SSBP4: variants seen among roughly 807,000 people sequenced by gnomAD.
The protein encoded by SSBP4 is single stranded DNA binding protein 4, also known as single-stranded DNA-binding protein 4.
A neutral mutation model predicts 64.6 loss-of-function variants in SSBP4; 33 were observed. That is an observed-to-expected ratio of 0.51 (90% CI 0.39 to 0.68). The LOEUF is 0.68. Among genes scored for constraint, SSBP4 ranks in the 30% least tolerant of loss-of-function variants. The probability of loss-of-function intolerance (pLI) is 0.00; values close to 1 mark genes in which losing one functional copy is unlikely to be tolerated. For missense variants in SSBP4, 583 were observed against 566.8 expected (o/e 1.03, Z -0.29); for synonymous variants, 243 against 224.0 (o/e 1.08, Z -0.76).
chr19:18,427,919 C>T lies in SSBP4; in HGVS notation c.216C>T (p.Cys72=), dbSNP rs571716261. ...ACAGCGTCTTCTGGGACCTGTACTGCGCGGCGCCTGACAGAAGAGAGGCCT... is the reference window on the plus strand; with the variant it reads ...ACAGCGTCTTCTGGGACCTGTACTGTGCGGCGCCTGACAGAAGAGAGGCCT... ...SWWCVFWDLY[C]AAPDRREACE... is the part of the protein sequence containing the mutation. Residue 72 remains cysteine (C), a synonymous_variant, in exon 4 of 18, where the codon TGC becomes TGT. Transcript: ENST00000270061. This position sits in a 1 kb window ranked among gnomAD's most constrained non-coding sequence, Gnocchi z 4.4. 3.7e-6 allele frequency: 6 copies of T among 1,613,810 alleles called. No homozygotes were observed. Among genetic ancestry groups the T allele is most frequent in the East Asian group, 4.5e-5 (2 of 44,866 alleles).
chr19:18,417,253 C>T (rs894749309), upstream of SSBP4, among the ~76,000 whole-genome samples: 1 of 152,248 alleles, frequency 6.6e-6, no homozygotes, highest in Admixed American at 6.5e-5. This position sits in a 1 kb window ranked among gnomAD's most constrained non-coding sequence, Gnocchi z 5.4. Context: ...GAGGTAGCAA[C>T]GTGTCCCGGC....
chr19:18,415,299 C>T (rs58289628), upstream of SSBP4, among the ~76,000 whole-genome samples: 60 of 152,306 alleles, frequency 3.9e-4, no homozygotes, highest in African/African-American at 1.4e-3. Flanking sequence ...CCTCCCAGGG[C>T]CCCCCACTTT....
chr19:18,419,366 G>A (rs1389657862), upstream of SSBP4: 1 of 1,025,058 alleles, frequency 9.8e-7, no homozygotes, highest in Non-Finnish European at 1.2e-6. Context: ...GCAGCGGGCG[G>A]GGGCGCGCGC....
intron 4 of SSBP4, among the ~76,000 whole-genome samples, chr19:18,429,242 G>C (rs537253785): frequency 4.6e-5 from 7 of 152,046 alleles, no homozygotes; most frequent in East Asian, 1.9e-4. Flanking sequence ...GGCGGGGGAG[G>C]GGGGCGGGGG....
the SSBP4 span, among the ~76,000 whole-genome samples, chr19:18,406,023 G>A: frequency 6.6e-6 from 1 of 151,374 alleles, no homozygotes; most frequent in African/African-American, 2.4e-5. Context: ...AGAGAAAGAA[G>A]AGAGATGGGG....
In SSBP4 at chr19:18,426,793, C is replaced by T. The variant is rs927658047; in HGVS notation, c.60-558C>T. 8.5e-5 allele frequency among the ~76,000 whole-genome samples: 13 copies of T among 152,188 alleles called. No individual in the cohort carries two copies. The highest frequency in any genetic ancestry group is 1.3e-4 in the Non-Finnish European group (9 of 68,020). ...TGGCCCCCCACCTCCATTCCCCAGA[C>T]ATTGCCCCAGGTTCAGCACTGCCCT... On this transcript the variant is annotated intron_variant, in intron 1 of 17. Coordinates refer to ENST00000270061, the MANE Select transcript of SSBP4 (RefSeq NM_032627.5). The surrounding 1 kb of genome is among the most constrained non-coding windows in gnomAD (Gnocchi z 4.5).
Position 18,427,486 on chromosome 19 carries a change from C to T in SSBP4, c.132+63C>T. The T allele has an allele frequency of 6.4e-7, 1 of 1,571,710 alleles. No individual in the cohort carries two copies. Among genetic ancestry groups the T allele is most frequent in the Non-Finnish European group, 8.6e-7 (1 of 1,158,422 alleles). ...CCACACTCCGGGGGTCCTTCATTTC[C>T]ACTGGGGATCCAGGGGGTGGGCCCG... On this transcript the variant is annotated intron_variant, in intron 2 of 17. Coordinates refer to ENST00000270061, the MANE Select transcript of SSBP4 (RefSeq NM_032627.5). The surrounding 1 kb of genome is among the most constrained non-coding windows in gnomAD (Gnocchi z 4.4).
At position 18,427,849 on chromosome 19, in the gene SSBP4, G is replaced by A. The variant is rs1309963612; in HGVS notation, c.194+36G>A. Reference sequence around the variant, plus strand: ...GGCTGCTGTGGGTGGGCTGTGGAAGGGGGTTGAGGGAGGCACGTGGAGCAA... The same window carrying A: ...GGCTGCTGTGGGTGGGCTGTGGAAGAGGGTTGAGGGAGGCACGTGGAGCAA... On this transcript the variant is annotated intron_variant, in intron 3 of 17. Coordinates refer to ENST00000270061, the MANE Select transcript of SSBP4 (RefSeq NM_032627.5). The surrounding 1 kb of genome is among the most constrained non-coding windows in gnomAD (Gnocchi z 4.4). The A allele has an allele frequency of 6.2e-7, 1 of 1,613,582 alleles. No homozygotes were observed.
intron 1 of SSBP4, among the ~76,000 whole-genome samples, chr19:18,420,436 C>T (rs972291932): frequency 1.5e-4 from 23 of 151,952 alleles, no homozygotes; most frequent in African/African-American, 5.6e-4. Flanking sequence ...GAGGAAGGGT[C>T]GTGGTGGGGC....
rs73523060 is a variant in SSBP4, at chr19:18,422,212, C to G, written c.59+2505C>G. The stretch of plus-strand genomic sequence containing the variant: ...AAAGAGAGCTGGTGGCAGCCTGGAC[C>G]CAAGTAAGAAGGAAGAGATTTCATA... On this transcript the variant is annotated intron_variant, in intron 1 of 17. Coordinates refer to ENST00000270061, the MANE Select transcript of SSBP4 (RefSeq NM_032627.5). Among the ~76,000 whole-genome samples, 866 of 152,152 alleles carry G rather than the reference C, an allele frequency of 5.7e-3. 9 individuals carry two copies. The highest frequency in any genetic ancestry group is 0.019 in the African/African-American group (796 of 41,498).
rs998058127 is a variant in SSBP4 at position 18,427,877 on chromosome 19, A to G, written c.195-21A>G. The stretch of plus-strand genomic sequence containing the variant: ...GTTGAGGGAGGCACGTGGAGCAACC[A>G]TCTTCCCCTTTGGCCCACAGCGTCT... On this transcript the variant is annotated intron_variant, in intron 3 of 17. Coordinates refer to ENST00000270061, the MANE Select transcript of SSBP4 (RefSeq NM_032627.5). This position sits in a 1 kb window ranked among gnomAD's most constrained non-coding sequence, Gnocchi z 4.4. The G allele has an allele frequency of 1.2e-6, 2 of 1,613,848 alleles. No individual in the cohort carries two copies. The highest frequency in any genetic ancestry group is 2.7e-5 in the African/African-American group (2 of 74,872).
intron 5 of SSBP4, 132 bp downstream of exon 5, chr19:18,431,062 C>A (rs894533208): frequency 6.6e-6 from 7 of 1,061,732 alleles, no homozygotes; most frequent in South Asian, 1.4e-5. Flanking sequence ...CTCTGTGCCG[C>A]AGGTGTGCCC....
In SSBP4 at chr19:18,433,026, G is replaced by A; in HGVS notation, c.895G>A (p.Gly299Ser). Residue 299 changes from glycine (G) to serine (S), a missense_variant, in exon 14 of 18, where the codon GGC becomes AGC. This residue lies in a region of SSBP4 where 444 missense variants were observed against 386.6 expected (regional missense o/e 1.15). Coordinates refer to ENST00000270061, the MANE Select transcript of SSBP4 (RefSeq NM_032627.5). Reference protein sequence around the residue: ...MYTIMNPIGQGAGRANFPLGP... With the variant: ...MYTIMNPIGQSAGRANFPLGP... Reference sequence around the variant, plus strand: ...CACTATCATGAACCCCATCGGGCAGGGCGCCGGCAGGGCTAATGTGAGTGG... The same window carrying A: ...CACTATCATGAACCCCATCGGGCAGAGCGCCGGCAGGGCTAATGTGAGTGG... 1.2e-6 allele frequency: 2 copies of A among 1,614,156 alleles called. No homozygotes were observed. Among genetic ancestry groups the A allele is most frequent in the Non-Finnish European group, 1.7e-6 (2 of 1,180,034 alleles).
chr19:18,406,520 C>T, the SSBP4 span, among the ~76,000 whole-genome samples: 5 of 151,802 alleles, frequency 3.3e-5, no homozygotes, highest in Admixed American at 6.6e-5. Flanking sequence ...TGGTGGTGTG[C>T]GCCTGTAGTC....
chr19:18,429,723 A>G (rs1035360670), intron 4 of SSBP4, among the ~76,000 whole-genome samples: 2 of 151,978 alleles, frequency 1.3e-5, no homozygotes, highest in Non-Finnish European at 2.9e-5. Context: ...AAAGTGGCAC[A>G]GGAGTAGGGC....
intron 4 of SSBP4, among the ~76,000 whole-genome samples, 198 bp downstream of exon 4, chr19:18,428,180 A>G (rs1973005617): frequency 6.6e-6 from 1 of 152,164 alleles, no homozygotes; most frequent in African/African-American, 2.4e-5. Context: ...CACTTGGTCC[A>G]GGGTCACTCA....
At position 18,431,824 on chromosome 19, in the gene SSBP4, T is replaced by G. The variant is rs1012297759; in HGVS notation, c.527T>G (p.Leu176Arg). 2 of 1,566,602 alleles carry G rather than the reference T, an allele frequency of 1.3e-6. No individual in the cohort carries two copies. The highest frequency in any genetic ancestry group is 1.7e-6 in the Non-Finnish European group (2 of 1,154,828). The change falls in exon 8 of 18, where the codon CTC becomes CGC. Residue 176 changes from leucine (L) to arginine (R), a missense_variant. By Grantham distance (102) the Leu-to-Arg change is moderately radical. Coordinates refer to ENST00000270061, the MANE Select transcript of SSBP4 (RefSeq NM_032627.5). ...GCAGGCCTCCCTGGCTCCCAGCCCC[T>G]CCTCCCTGGCGCCATGGAGCCCTCC... ...PPAGLPGSQPLLPGAMEPSPR... is the reference protein window; with the variant it reads ...PPAGLPGSQPRLPGAMEPSPR...
At chr19:18,422,207 T>C (rs1182547958) in intron 1 of SSBP4, among the ~76,000 whole-genome samples, 1 of 152,118 alleles carries the variant, frequency 6.6e-6, no homozygotes, top group East Asian at 1.9e-4. Flanking sequence ...GGTGGCAGCC[T>C]GGACCCAAGT....
the SSBP4 span, among the ~76,000 whole-genome samples, chr19:18,406,122 G>A: frequency 4.6e-5 from 7 of 151,932 alleles, no homozygotes; most frequent in South Asian, 2.1e-4. Context: ...GATTACAGGC[G>A]TGAGACACTG....
Sources: allele counts gnomAD v4.1 joint callset (sites outside exome capture counted in the v4.1 genomes callset), GRCh38; gene constraint gnomAD v4.1.1; regional missense constraint gnomAD v4.1.1; non-coding constraint Gnocchi (gnomAD v3.1); transcripts MANE v1.5; gene names NCBI Gene and HGNC (gene_info 2026-07-23, HGNC 2026-07-21).